The following BICC1 variants were observed in gnomAD, a reference collection of about 807,000 sequenced individuals.
BICC1 encodes BicC family RNA binding protein 1, also known as protein bicaudal C homolog 1.
Under a neutral mutation model 111.0 loss-of-function variants are expected in BICC1, and 43 were observed. The observed-to-expected ratio is 0.39, with a 90% confidence interval of 0.30 to 0.50. The LOEUF is 0.50. Ranked by LOEUF, BICC1 falls within the 20% of genes least tolerant of loss-of-function variation. The probability of loss-of-function intolerance (pLI) is 0.88; values close to 1 mark genes in which losing one functional copy is unlikely to be tolerated. For synonymous variants in BICC1, 467 were observed against 434.4 expected, an observed-to-expected ratio of 1.07 and a Z score of -0.93; for missense variants, 1,091 against 1,203.2, an observed-to-expected ratio of 0.91 and a Z score of 1.38.
At chr10:58,793,459 C>T in intron 8 of BICC1, 25 bp from the exon 9 acceptor site, 3 of 1,598,984 alleles carry the variant, frequency 1.9e-6, no homozygotes, top group Non-Finnish European at 2.6e-6. Context: ...TTACCTCCTA[C>T]ACATTCTATT....
chr10:58,619,989 T>A (rs1257738982), intron 1 of BICC1, among the ~76,000 whole-genome samples: 1 of 152,188 alleles, frequency 6.6e-6, no homozygotes, highest in African/African-American at 2.4e-5. Flanking sequence ...CTTCAGTACC[T>A]TTCTTTGTCC....
chr10:58,599,183 A>G (rs1466907599), intron 1 of BICC1, among the ~76,000 whole-genome samples: 10 of 152,196 alleles, frequency 6.6e-5, no homozygotes, highest in Non-Finnish European at 1.5e-4. Flanking sequence ...TCATTCTACT[A>G]TAAAGACACA....
intron 2 of BICC1, among the ~76,000 whole-genome samples, chr10:58,686,720 G>C (rs1839740956): frequency 6.6e-6 from 1 of 152,074 alleles, no homozygotes; most frequent in Admixed American, 6.6e-5. Context: ...AGTTTCATAA[G>C]GTTATTTAAG....
chr10:58,574,435 G>C (rs1292434347), intron 1 of BICC1, among the ~76,000 whole-genome samples: 1 of 152,120 alleles, frequency 6.6e-6, no homozygotes, highest in African/African-American at 2.4e-5. Context: ...ACCAAATGCA[G>C]TGTGATAAAC....
chr10:58,565,704 A>G (rs896213871), intron 1 of BICC1, among the ~76,000 whole-genome samples: 4 of 152,152 alleles, frequency 2.6e-5, no homozygotes, highest in Non-Finnish European at 4.4e-5. Flanking sequence ...AGACTTTGCT[A>G]TCTTCTTTGA....
At chr10:58,566,786 C>G (rs930447983) in intron 1 of BICC1, among the ~76,000 whole-genome samples, 8 of 151,834 alleles carry the variant, frequency 5.3e-5, no homozygotes, top group African/African-American at 1.9e-4. Flanking sequence ...ATGTTTGTAC[C>G]CCTTATCTTC....
intron 1 of BICC1, among the ~76,000 whole-genome samples, chr10:58,533,559 A>AT (rs1842737326): frequency 6.6e-6 from 1 of 151,198 alleles, no homozygotes; most frequent in African/African-American, 2.4e-5. Context: ...AGGAAAAAAA[A>AT]ACCTGACAAT....
rs1476129160 is a variant in BICC1 at position 58,645,393 on chromosome 10, C to T, written c.237+24492C>T. ...CTGCGCTCCAGCCTGGGCGACAGAGCGAGACTCCATCTCAAAAAAAAAAAA... is the reference window on the plus strand; with the variant it reads ...CTGCGCTCCAGCCTGGGCGACAGAGTGAGACTCCATCTCAAAAAAAAAAAA... On this transcript the variant is annotated intron_variant, in intron 2 of 20. Transcript: ENST00000373886. Among the ~76,000 whole-genome samples the T allele has an allele frequency of 9.7e-5, 10 of 103,540 alleles. No homozygotes were observed. In the Admixed American group the frequency reaches 1.0e-3, roughly 10 times the overall value. The allele number at this position is 103,540 out of a possible 152,430, so 67.9% of individuals were successfully genotyped here. A position where few individuals can be genotyped will look rare whatever the true frequency, so the allele number is the denominator to read the frequency against.
At chr10:58,776,091 A>G (rs781495288) in intron 3 of BICC1, among the ~76,000 whole-genome samples, 7 of 152,156 alleles carry the variant, frequency 4.6e-5, no homozygotes, top group Non-Finnish European at 1.0e-4. Flanking sequence ...TGTACCTGTA[A>G]TTGTTCCTTG....
chr10:58,823,320 A>G, intron 20 of BICC1: 1 of 985,300 alleles, frequency 1.0e-6, no homozygotes, highest in Non-Finnish European at 1.2e-6. Flanking sequence ...TATTTTCCCA[A>G]ACCATCCCGT....
chr10:58,711,934 A>G (rs1253552068), intron 3 of BICC1, among the ~76,000 whole-genome samples: 1 of 152,098 alleles, frequency 6.6e-6, no homozygotes, highest in Non-Finnish European at 1.5e-5. Flanking sequence ...AGACGGGGAG[A>G]AAATATTTGC....
intron 1 of BICC1, among the ~76,000 whole-genome samples, chr10:58,515,313 G>A (rs1842213526): frequency 1.3e-5 from 2 of 152,128 alleles, no homozygotes; most frequent in South Asian, 4.1e-4. Context: ...TGTGTCCTTA[G>A]GCATTTTCAT....
chr10:58,686,671 C>T (rs762300701), intron 2 of BICC1, among the ~76,000 whole-genome samples: 8 of 152,148 alleles, frequency 5.3e-5, no homozygotes, highest in Non-Finnish European at 1.0e-4. Flanking sequence ...GCTACTGAAG[C>T]TTGTGCATGC....
chr10:58,745,129 C>A (rs1841791913), intron 3 of BICC1, among the ~76,000 whole-genome samples: 2 of 152,084 alleles, frequency 1.3e-5, no homozygotes, highest in South Asian at 4.1e-4. Context: ...TAAAGACTTT[C>A]CATCACAAAA....
intron 1 of BICC1, among the ~76,000 whole-genome samples, chr10:58,600,597 A>G (rs184413498): frequency 9.1e-4 from 139 of 152,288 alleles, no homozygotes; most frequent in African/African-American, 3.2e-3. Context: ...TTCATATAAT[A>G]TAGTTGACTC....
chr10:58,559,298 T>TACTCACTTTTTGCATGCTA (rs1472775641), intron 1 of BICC1, among the ~76,000 whole-genome samples: 1 of 152,042 alleles, frequency 6.6e-6, no homozygotes, highest in Non-Finnish European at 1.5e-5. Flanking sequence ...GTAGCATGCT[T>TACTCACTTTTTGCATGCTA]ACTCACTTTT....
chr10:58,804,548 C>T (rs994126636), intron 15 of BICC1, among the ~76,000 whole-genome samples: 21 of 152,194 alleles, frequency 1.4e-4, no homozygotes, highest in African/African-American at 3.6e-4. Context: ...ATAAAAAAGA[C>T]ATTTATTACA....
chr10:58,544,584 A>G (rs994142112), intron 1 of BICC1, among the ~76,000 whole-genome samples: 2 of 152,188 alleles, frequency 1.3e-5, no homozygotes, highest in African/African-American at 4.8e-5. Context: ...GAAAGGAAAG[A>G]AATAGAAAAA....
At chr10:58,816,745 C>CTG (rs56310772) in intron 18 of BICC1, among the ~76,000 whole-genome samples, 2,069 of 122,106 alleles carry the variant, frequency 0.017, 32 homozygotes, top group African/African-American at 0.039. Flanking sequence ...ATCTCCAAGG[C>CTG]TGTGTGTGTG....
Sources: gnomAD v4.1 joint callset for allele counts (sites outside exome capture counted in the v4.1 genomes callset) on GRCh38, gnomAD v4.1.1 for gene constraint, MANE v1.5 for transcripts, NCBI Gene and HGNC (gene_info 2026-07-23, HGNC 2026-07-21) for gene names.